Variants in ATRNL1 observed in about 807,000 individuals in gnomAD.
The protein encoded by ATRNL1 is attractin-like protein 1.
In ATRNL1, 95 loss-of-function variants were observed where a neutral mutation model predicts 182.7. That is an observed-to-expected ratio of 0.52 (90% CI 0.44 to 0.62). The LOEUF is 0.62. Among genes scored for constraint, ATRNL1 ranks in the 20% least tolerant of loss-of-function variants. The pLI, the probability that ATRNL1 is intolerant of heterozygous loss-of-function variation, is 0.00. For synonymous variants in ATRNL1, 576 were observed against 568.3 expected, an observed-to-expected ratio of 1.01 and a Z score of -0.19; for missense variants, 1,471 against 1,679.5, an observed-to-expected ratio of 0.88 and a Z score of 2.17.
At chr10:115,290,114 T>C (rs928672490) in intron 15 of ATRNL1, among the ~76,000 whole-genome samples, 9 of 150,946 alleles carry the variant, frequency 6.0e-5, no homozygotes, top group Non-Finnish European at 1.0e-4. Context: ...CTTGGTTAAA[T>C]TAATTCTAAG....
chr10:115,444,770 C>T (rs1233640751), intron 21 of ATRNL1, among the ~76,000 whole-genome samples: 1 of 151,672 alleles, frequency 6.6e-6, no homozygotes, highest in Non-Finnish European at 1.5e-5. Flanking sequence ...CTTGCTCTGT[C>T]ACCCAGGAAG....
At position 115,406,171 on chromosome 10, in the gene ATRNL1, A is replaced by C. The variant is rs370342784; in HGVS notation, c.3269+11419A>C. On this transcript the variant is annotated intron_variant, in intron 20 of 28. Transcript: ENST00000355044. ...TAAACATACATGTGCATGTGTCTTT[A>C]TAGCAGCATGATTTATAATCCTTTG... Among the ~76,000 whole-genome samples the C allele has an allele frequency of 7.8e-4, 118 of 152,184 alleles. 2 individuals carry two copies. In the South Asian group the frequency reaches 0.024, roughly 31 times the overall value.
At chr10:115,551,381 T>C (rs1463547178) in intron 26 of ATRNL1, among the ~76,000 whole-genome samples, 1 of 151,468 alleles carries the variant, frequency 6.6e-6, no homozygotes, top group Non-Finnish European at 1.5e-5. Context: ...TCTTTCAATA[T>C]ATGTGGTAGA....
At chr10:115,185,902 G>C (rs190833950) in intron 8 of ATRNL1, among the ~76,000 whole-genome samples, 19 of 152,142 alleles carry the variant, frequency 1.2e-4, no homozygotes, top group African/African-American at 4.6e-4. Flanking sequence ...GTGTGGTAGA[G>C]TTCTGCAAAC....
intron 28 of ATRNL1, among the ~76,000 whole-genome samples, chr10:115,883,940 C>T (rs1951885278): frequency 5.3e-5 from 8 of 152,188 alleles, no homozygotes; most frequent in African/African-American, 1.9e-4. Flanking sequence ...TTTTGAGTAG[C>T]TTGGTGTCCA....
At chr10:115,878,811 G>C (rs1425567162) in intron 28 of ATRNL1, among the ~76,000 whole-genome samples, 1 of 152,058 alleles carries the variant, frequency 6.6e-6, no homozygotes, top group Admixed American at 6.5e-5. Context: ...TAGCTCCTTC[G>C]CCCAGCAGCA....
Position 115,586,576 on chromosome 10 carries a change from A to G in ATRNL1, c.3795+37040A>G, listed in dbSNP as rs1182446639. Among the ~76,000 whole-genome samples, 7 of 103,428 alleles carry G rather than the reference A, an allele frequency of 6.8e-5. 3 individuals are homozygous for G. Among genetic ancestry groups the G allele is most frequent in the Middle Eastern group, 9.3e-3 (2 of 216 alleles). The allele number at this position is 103,428 out of a possible 152,430, so 67.9% of individuals were successfully genotyped here. A position where few individuals can be genotyped will look rare whatever the true frequency, so the allele number is the denominator to read the frequency against. ...CCTGAGGCTTCTGCATTCTTCACGT[A>G]GTTCTCGAGCCTTGGTTTTCAGCTC... On this transcript the variant is annotated intron_variant, in intron 26 of 28. Coordinates refer to ENST00000355044, the MANE Select transcript of ATRNL1 (RefSeq NM_207303.4).
At position 115,425,332 on chromosome 10, in the gene ATRNL1, ATAATTACT is replaced by A. The variant is rs567564460; in HGVS notation, c.3270-914_3270-907del. On this transcript the variant is annotated intron_variant, in intron 20 of 28. Transcript: ENST00000355044. The stretch of plus-strand genomic sequence containing the variant: ...TATATTTATATAAAATATGTATGTA[ATAATTACT>A]TAAACCATATGCAAATATAATTTTT... 9.3e-3 allele frequency among the ~76,000 whole-genome samples: 1,196 copies of A among 127,998 alleles called. 17 individuals are homozygous for A. Among genetic ancestry groups the A allele is most frequent in the African/African-American group, 0.038 (1,149 of 30,174 alleles). The allele number at this position is 127,998 out of a possible 152,430, so 84.0% of individuals were successfully genotyped here. A position where few individuals can be genotyped will look rare whatever the true frequency, so the allele number is the denominator to read the frequency against.
chr10:115,332,429 G>C, intron 18 of ATRNL1, among the ~76,000 whole-genome samples: 1 of 152,134 alleles, frequency 6.6e-6, no homozygotes, highest in East Asian at 1.9e-4. Context: ...CTATTTTGCT[G>C]TTTGCTCTGC....
At chr10:115,309,541 AG>A (rs1423904189) in intron 17 of ATRNL1, among the ~76,000 whole-genome samples, 1 of 152,024 alleles carries the variant, frequency 6.6e-6, no homozygotes, top group Non-Finnish European at 1.5e-5. Context: ...CTGTTGTAAA[AG>A]GGGTTGAGTT....
chr10:115,194,148 C>T (rs1013110226), intron 8 of ATRNL1, among the ~76,000 whole-genome samples: 2 of 151,890 alleles, frequency 1.3e-5, no homozygotes, highest in Non-Finnish European at 2.9e-5. Flanking sequence ...ATTCTATGTG[C>T]TGAGGAGAAG....
intron 19 of ATRNL1, among the ~76,000 whole-genome samples, chr10:115,354,298 T>C (rs1413124281): frequency 6.6e-6 from 1 of 152,186 alleles, no homozygotes; most frequent in East Asian, 1.9e-4. Flanking sequence ...TTTCTTGTTA[T>C]ATGTTAGCAG....
At chr10:115,586,997 G>C (rs1555010154) in intron 26 of ATRNL1, among the ~76,000 whole-genome samples, 3 of 141,516 alleles carry the variant, frequency 2.1e-5, no homozygotes, top group Non-Finnish European at 3.1e-5. Context: ...CTGCAGCTCT[G>C]TTGGAATACC....
At chr10:115,188,634 C>CT (rs1441260105) in intron 8 of ATRNL1, among the ~76,000 whole-genome samples, 1 of 151,956 alleles carries the variant, frequency 6.6e-6, no homozygotes, top group African/African-American at 2.4e-5. Context: ...TTAATGTTAA[C>CT]TTTTTTCCTT....
intron 26 of ATRNL1, among the ~76,000 whole-genome samples, chr10:115,687,119 C>T (rs1298402828): frequency 1.3e-5 from 2 of 151,970 alleles, no homozygotes; most frequent in Admixed American, 1.3e-4. Context: ...AATGGAAAAT[C>T]TCGTCTCAGC....
At chr10:115,372,669 G>C (rs1345289660) in intron 19 of ATRNL1, among the ~76,000 whole-genome samples, 1 of 152,086 alleles carries the variant, frequency 6.6e-6, no homozygotes, top group Non-Finnish European at 1.5e-5. Flanking sequence ...CTTTGTTGAA[G>C]ATCAATAGAC....
intron 20 of ATRNL1, among the ~76,000 whole-genome samples, chr10:115,409,144 A>G (rs1372349090): frequency 2.0e-5 from 3 of 152,174 alleles, no homozygotes; most frequent in Non-Finnish European, 2.9e-5. Context: ...ATTGCATTCA[A>G]TCTGTATAGC....
At chr10:115,744,527 C>T (rs1028454044) in intron 27 of ATRNL1, among the ~76,000 whole-genome samples, 1 of 152,050 alleles carries the variant, frequency 6.6e-6, no homozygotes, top group Non-Finnish European at 1.5e-5. Context: ...TGATGATAAA[C>T]CCAAAGCACC....
chr10:115,549,653 C>T (rs1011667270), intron 26 of ATRNL1, 117 bp downstream of exon 26: 4 of 601,414 alleles, frequency 6.7e-6, no homozygotes, highest in Non-Finnish European at 1.0e-5. Flanking sequence ...TTTTTACATA[C>T]TAATATTCAA....
Sources: allele counts gnomAD v4.1 joint callset (sites outside exome capture counted in the v4.1 genomes callset), GRCh38; gene constraint gnomAD v4.1.1; transcripts MANE v1.5; gene names NCBI Gene and HGNC (gene_info 2026-07-23, HGNC 2026-07-21).